Variants in MYO5B observed in about 807,000 individuals in gnomAD.
The protein encoded by MYO5B is unconventional myosin-Vb.
Under a neutral mutation model 229.3 loss-of-function variants are expected in MYO5B, and 143 were observed. The ratio of observed to expected loss-of-function variants is 0.62; its 90% confidence interval spans 0.54 to 0.72. MYO5B has a LOEUF of 0.72. Ranked by LOEUF, MYO5B falls within the 30% of genes least tolerant of loss-of-function variation. The pLI is 0.00. For synonymous variants in MYO5B, 918 were observed against 885.2 expected (o/e 1.04, Z -0.66); for missense variants, 2,321 against 2,331.0 (o/e 1.00, Z 0.09).
chr18:50,146,298 C>T (rs1164987922), intron 1 of MYO5B, among the ~76,000 whole-genome samples: 2 of 152,212 alleles, frequency 1.3e-5, no homozygotes, highest in African/African-American at 2.4e-5. Flanking sequence ...TCACACAGCC[C>T]GTGAATGGCA....
intron 1 of MYO5B, among the ~76,000 whole-genome samples, chr18:50,091,089 G>A (rs2031438082): frequency 6.6e-6 from 1 of 152,182 alleles, no homozygotes; most frequent in Non-Finnish European, 1.5e-5. Flanking sequence ...AGTTAGTGGA[G>A]GCCCCACCTG....
intron 27 of MYO5B, among the ~76,000 whole-genome samples, chr18:49,865,801 T>C (rs1337947976): frequency 6.6e-6 from 1 of 152,162 alleles, no homozygotes; most frequent in Non-Finnish European, 1.5e-5. Flanking sequence ...CAGAGCCAGG[T>C]TGGTTGAAAG....
intron 34 of MYO5B, 95 bp downstream of exon 34, chr18:49,843,146 T>A (rs2024080415): frequency 6.6e-7 from 1 of 1,522,074 alleles, no homozygotes; most frequent in Admixed American, 1.7e-5. Flanking sequence ...CTAGGAGCAT[T>A]CACTACAGCC....
At chr18:49,929,661 A>G (rs1200793792) in intron 16 of MYO5B, 63 bp from the exon 17 acceptor site, 3 of 1,401,228 alleles carry the variant, frequency 2.1e-6, no homozygotes, top group Non-Finnish European at 2.0e-6. Context: ...ATTTGCAAAA[A>G]AGAAACAAAA....
At chr18:50,110,212 G>A (rs1036095410) in intron 1 of MYO5B, among the ~76,000 whole-genome samples, 1 of 146,602 alleles carries the variant, frequency 6.8e-6, no homozygotes, top group African/African-American at 2.7e-5. Context: ...GCATGGCCTC[G>A]AATTTCACCA....
chr18:50,125,390 A>C (rs1599039421), intron 1 of MYO5B, among the ~76,000 whole-genome samples: 1 of 88,708 alleles, frequency 1.1e-5, no homozygotes, highest in Admixed American at 1.5e-4. Context: ...GGGAGGGGGA[A>C]GGGATAGCAT....
chr18:49,839,387 T>G (rs2024030004), intron 35 of MYO5B, 93 bp from the exon 36 acceptor site: 2 of 1,474,844 alleles, frequency 1.4e-6, no homozygotes, highest in African/African-American at 2.8e-5. Flanking sequence ...ATCTATTTGG[T>G]GGGCAGGGGG....
chr18:49,888,758 C>G (rs1000549505), intron 22 of MYO5B, among the ~76,000 whole-genome samples: 1 of 152,240 alleles, frequency 6.6e-6, no homozygotes, highest in Non-Finnish European at 1.5e-5. Flanking sequence ...TTTCACTGTT[C>G]CTTCTGACAG....
At chr18:49,892,020 C>T (rs973510026) in intron 22 of MYO5B, among the ~76,000 whole-genome samples, 26 of 152,182 alleles carry the variant, frequency 1.7e-4, no homozygotes, top group African/African-American at 5.6e-4. Context: ...GCTCTGGTCC[C>T]ATTGAGCAGC....
chr18:50,128,202 G>A (rs1300696383), intron 1 of MYO5B, among the ~76,000 whole-genome samples: 1 of 152,162 alleles, frequency 6.6e-6, no homozygotes, highest in Non-Finnish European at 1.5e-5. Flanking sequence ...CTATTGGTTT[G>A]GCAGAGAGTA....
intron 17 of MYO5B, among the ~76,000 whole-genome samples, chr18:49,914,731 G>A (rs1390595543): frequency 1.4e-5 from 2 of 140,668 alleles, no homozygotes; most frequent in Admixed American, 1.5e-4. Context: ...AGTGAGCCGA[G>A]ATCATGCCAC....
chr18:49,853,058 T>A, intron 31 of MYO5B, among the ~76,000 whole-genome samples: 1 of 152,204 alleles, frequency 6.6e-6, no homozygotes, highest in South Asian at 2.1e-4. Flanking sequence ...AATCTCTCTC[T>A]CGCCATATCT....
At chr18:50,159,341 C>T (rs1162556175) in intron 1 of MYO5B, among the ~76,000 whole-genome samples, 1 of 152,170 alleles carries the variant, frequency 6.6e-6, no homozygotes, top group Admixed American at 6.5e-5. Context: ...TATTTCAACC[C>T]CTGCAGAAAA....
At chr18:49,972,760 C>T (rs1987162569) in intron 10 of MYO5B, among the ~76,000 whole-genome samples, 1 of 152,110 alleles carries the variant, frequency 6.6e-6, no homozygotes, top group African/African-American at 2.4e-5. Flanking sequence ...TCTATGCTCT[C>T]CCAAGAGCAA....
chr18:49,962,553 G>A (rs1479862223), intron 11 of MYO5B, 147 bp from the exon 12 acceptor site: 9 of 1,136,972 alleles, frequency 7.9e-6, no homozygotes, highest in Middle Eastern at 1.9e-4. Flanking sequence ...TATGACTGCA[G>A]AAAAGCAAAG....
chr18:50,086,334 C>T (rs914989700), intron 1 of MYO5B, among the ~76,000 whole-genome samples: 14 of 152,154 alleles, frequency 9.2e-5, no homozygotes, highest in African/African-American at 3.4e-4. Context: ...ACTAGATACA[C>T]CTGTAAATAT....
At chr18:49,887,349 T>C (rs912084865) in intron 22 of MYO5B, among the ~76,000 whole-genome samples, 1 of 152,094 alleles carries the variant, frequency 6.6e-6, no homozygotes, top group Non-Finnish European at 1.5e-5. Context: ...GGGGTCTTGA[T>C]CTTCTCAGGT....
chr18:50,050,143 T>TA (rs1345933459), intron 2 of MYO5B, among the ~76,000 whole-genome samples: 11 of 152,044 alleles, frequency 7.2e-5, no homozygotes, highest in Non-Finnish European at 4.4e-5. Context: ...AAGATAAAAA[T>TA]AAAAAATTAT....
At position 50,040,319 on chromosome 18, in the gene MYO5B, A is replaced by T; in HGVS notation, c.139-5T>A. 1 of 1,614,054 alleles carries T rather than the reference A, an allele frequency of 6.2e-7. No individual in the cohort carries two copies. The highest frequency in any genetic ancestry group is 1.7e-5 in the Admixed American group (1 of 60,032). On this transcript the variant is annotated splice_polypyrimidine_tract_variant and splice_region_variant and intron_variant, in intron 2 of 39. Coordinates refer to ENST00000285039, the MANE Select transcript of MYO5B (RefSeq NM_001080467.3). ...ATCAATTGGGTATTCCAGAATCTAA[A>T]GACATGCAAGTAGCAGACACAAAAA...
Sources: allele counts gnomAD v4.1 joint callset (sites outside exome capture counted in the v4.1 genomes callset), GRCh38; gene constraint gnomAD v4.1.1; transcripts MANE v1.5; gene names NCBI Gene and HGNC (gene_info 2026-07-23, HGNC 2026-07-21).